The following NR2F1-AS1 variants were observed in gnomAD, a reference collection of about 807,000 sequenced individuals.
The protein encoded by NR2F1-AS1 is NR2F1 antisense RNA 1.
At chr5:93,519,849 A>G (rs892375745) in intron 4 of NR2F1-AS1, among the ~76,000 whole-genome samples, 2 of 152,082 alleles carry the variant, frequency 1.3e-5, no homozygotes, top group African/African-American at 4.8e-5. Context: ...ATTAGACAAA[A>G]TAACATTTAA....
chr5:93,574,928 G>A (rs1752862746), intron 1 of NR2F1-AS1, among the ~76,000 whole-genome samples: 1 of 152,230 alleles, frequency 6.6e-6, no homozygotes, highest in African/African-American at 2.4e-5. Flanking sequence ...TTGGGGTTCA[G>A]AATTGAGGGT....
chr5:93,453,149 T>C (rs1333368848), intron 4 of NR2F1-AS1, among the ~76,000 whole-genome samples: 2 of 151,740 alleles, frequency 1.3e-5, no homozygotes, highest in Non-Finnish European at 2.9e-5. Context: ...CTACTAGAAG[T>C]GAGAATTATA....
chr5:93,571,612 C>T (rs1752770600), intron 1 of NR2F1-AS1, among the ~76,000 whole-genome samples: 1 of 151,968 alleles, frequency 6.6e-6, no homozygotes, highest in Non-Finnish European at 1.5e-5. Flanking sequence ...TAGACTCTTT[C>T]ATCCTTGTTA....
intron 4 of NR2F1-AS1, among the ~76,000 whole-genome samples, chr5:93,513,669 C>T (rs1334894757): frequency 2.6e-5 from 4 of 151,962 alleles, no homozygotes; most frequent in African/African-American, 9.7e-5. Context: ...AGAGAGAAGG[C>T]AGGGGGCAAA....
At chr5:93,569,977 T>A (rs978088570) in intron 1 of NR2F1-AS1, 1 of 152,222 alleles carries the variant, frequency 6.6e-6, no homozygotes, top group Non-Finnish European at 1.5e-5. Context: ...TGGAGGATGG[T>A]AGTATTTCCG....
intron 4 of NR2F1-AS1, among the ~76,000 whole-genome samples, chr5:93,447,505 A>C (rs1749739212): frequency 6.6e-6 from 1 of 152,238 alleles, no homozygotes; most frequent in African/African-American, 2.4e-5. Flanking sequence ...CCACAATGAG[A>C]TACCATCTCA....
At chr5:93,423,966 T>A (rs1414825281) in intron 4 of NR2F1-AS1, among the ~76,000 whole-genome samples, 1 of 152,110 alleles carries the variant, frequency 6.6e-6, no homozygotes, top group Admixed American at 6.5e-5. Flanking sequence ...CCACAAGGAT[T>A]GAGGAGCAGT....
intron 1 of NR2F1-AS1, among the ~76,000 whole-genome samples, chr5:93,572,227 G>A (rs1752786416): frequency 6.6e-6 from 1 of 152,240 alleles, no homozygotes; most frequent in Non-Finnish European, 1.5e-5. Context: ...ACACGGGCGC[G>A]TGCCTCTGTC....
intron 4 of NR2F1-AS1, among the ~76,000 whole-genome samples, chr5:93,507,337 T>G (rs1751206809): frequency 2.4e-5 from 1 of 41,994 alleles, no homozygotes; most frequent in South Asian, 5.7e-4. Flanking sequence ...TTTTTTTTGT[T>G]TTGTTTTGTT....
intron 4 of NR2F1-AS1, chr5:93,432,398 C>G (rs910382154): frequency 2.0e-5 from 3 of 152,072 alleles, no homozygotes; most frequent in African/African-American, 7.2e-5. Flanking sequence ...TTCCAAAGAC[C>G]AGGGGACACC....
chr5:93,447,399 G>A (rs980250081), intron 4 of NR2F1-AS1, among the ~76,000 whole-genome samples: 7 of 152,072 alleles, frequency 4.6e-5, no homozygotes, highest in Admixed American at 2.6e-4. Context: ...GCAAAAGATA[G>A]GAACAGACAC....
At chr5:93,519,293 A>G (rs1007066511) in intron 4 of NR2F1-AS1, among the ~76,000 whole-genome samples, 1 of 152,084 alleles carries the variant, frequency 6.6e-6, no homozygotes, top group African/African-American at 2.4e-5. Context: ...TCCAGGGCAC[A>G]CATTCATTGA....
chr5:93,481,740 T>G (rs1363933650), intron 4 of NR2F1-AS1, among the ~76,000 whole-genome samples: 1 of 151,488 alleles, frequency 6.6e-6, no homozygotes, highest in Non-Finnish European at 1.5e-5. Context: ...AAGCTAGAAA[T>G]AAATAAAAGA....
intron 4 of NR2F1-AS1, among the ~76,000 whole-genome samples, chr5:93,464,894 T>A (rs999212238): frequency 2.0e-5 from 3 of 152,224 alleles, no homozygotes; most frequent in African/African-American, 7.2e-5. Flanking sequence ...TCCATCATGG[T>A]TCTGCAGTAC....
At chr5:93,575,287 T>C (rs1451757471) in intron 1 of NR2F1-AS1, among the ~76,000 whole-genome samples, 1 of 152,250 alleles carries the variant, frequency 6.6e-6, no homozygotes, top group African/African-American at 2.4e-5. Context: ...TGGATTATCA[T>C]TCATATTAAA....
chr5:93,438,623 ATG>A (rs1402457403), intron 4 of NR2F1-AS1: 1 of 152,266 alleles, frequency 6.6e-6, no homozygotes, highest in Non-Finnish European at 1.5e-5. Flanking sequence ...TGCAGCTGGA[ATG>A]ATCTGATTTG....
chr5:93,457,631 G>A (rs1416173799), intron 4 of NR2F1-AS1, among the ~76,000 whole-genome samples: 1 of 151,794 alleles, frequency 6.6e-6, no homozygotes, highest in Non-Finnish European at 1.5e-5. Context: ...GCTTGTCCTC[G>A]ATGGTCGCTG....
intron 4 of NR2F1-AS1, among the ~76,000 whole-genome samples, chr5:93,440,109 A>G (rs73133226): frequency 0.17 from 26,204 of 152,092 alleles, 3,520 homozygotes; most frequent in African/African-American, 0.38. Flanking sequence ...GGAGAAGGAA[A>G]GTTTAGGCTG....
intron 4 of NR2F1-AS1, among the ~76,000 whole-genome samples, chr5:93,545,166 G>A (rs143710798): frequency 2.6e-4 from 39 of 152,270 alleles, no homozygotes; most frequent in East Asian, 9.7e-4. Context: ...GGGTTACACC[G>A]TTTAATAACA....
Sources: allele counts gnomAD v4.1 joint callset (sites outside exome capture counted in the v4.1 genomes callset), GRCh38; gene constraint gnomAD v4.1.1; transcripts MANE v1.5; gene names NCBI Gene and HGNC (gene_info 2026-07-23, HGNC 2026-07-21).